Variants in GSE1 observed in about 807,000 individuals in gnomAD.
GSE1 encodes the protein genetic suppressor element 1.
GSE1 carries 32 observed loss-of-function variants against 112.6 expected under a neutral mutation model. The observed-to-expected ratio is 0.28, with a 90% CI of 0.21 to 0.38. The LOEUF is 0.38. Ranked by LOEUF, GSE1 falls within the 10% of genes least tolerant of loss-of-function variation. GSE1 has a pLI of 1.00. For synonymous variants in GSE1, 1,115 were observed against 735.6 expected, an observed-to-expected ratio of 1.52 and a Z score of -8.35; for missense variants, 2,348 against 1,699.2, an observed-to-expected ratio of 1.38 and a Z score of -6.71.
At chr16:85,493,785 C>T (rs1310744560) in intron 2 of GSE1, among the ~76,000 whole-genome samples, 2 of 122,532 alleles carry the variant, frequency 1.6e-5, no homozygotes, top group Non-Finnish European at 3.3e-5. Context: ...AGTGAGACTC[C>T]GTCTCAAAAA....
chr16:85,528,638 T>TTTTTGTTTTGTTTTGTTTTGTTTTG (rs71151301), intron 2 of GSE1, among the ~76,000 whole-genome samples: 1 of 145,082 alleles, frequency 6.9e-6, no homozygotes, highest in Admixed American at 6.9e-5. Context: ...GGATTGCTGT[T>TTTTTGTTTTGTTTTGTTTTGTTTTG]TTTTGTTTTG....
chr16:85,227,262 T>C (rs2143805165), intron 1 of GSE1, among the ~76,000 whole-genome samples: 1 of 152,324 alleles, frequency 6.6e-6, no homozygotes, highest in South Asian at 2.1e-4. Flanking sequence ...CTGTTCTTCA[T>C]GCATGAATGG....
intron 2 of GSE1, among the ~76,000 whole-genome samples, chr16:85,415,483 G>T (rs923379320): frequency 2.0e-5 from 3 of 152,226 alleles, no homozygotes; most frequent in Non-Finnish European, 4.4e-5. Context: ...TGCAGAGCTG[G>T]CAAACCGGGT....
rs865830245 is a variant in GSE1 at position 85,439,203 on chromosome 16, A to T, written c.2464+81560A>T. 1.2e-4 allele frequency among the ~76,000 whole-genome samples: 18 copies of T among 152,344 alleles called. No individual in the cohort carries two copies. In the Middle Eastern group the frequency reaches 0.014, roughly 115 times the overall value. On this transcript the variant is annotated intron_variant, in intron 2 of 2. Coordinates refer to the GSE1 transcript ENST00000637419. The stretch of plus-strand genomic sequence containing the variant: ...CCGGCACTGACCTGGATGGTGATTT[A>T]TGTGGCTGAGGCAAAAAGCCACTGA...
At chr16:85,628,775 T>A (rs1207565863) in intron 1 of GSE1, among the ~76,000 whole-genome samples, 2 of 152,212 alleles carry the variant, frequency 1.3e-5, no homozygotes, top group African/African-American at 4.8e-5. Context: ...GTGAAAGACA[T>A]AGCTCTTCTC....
At chr16:85,377,482 C>T (rs922184528) in intron 2 of GSE1, among the ~76,000 whole-genome samples, 2 of 152,222 alleles carry the variant, frequency 1.3e-5, no homozygotes, top group Non-Finnish European at 2.9e-5. Context: ...AAGTTACCTA[C>T]CCTCTCTGTG....
chr16:85,175,231 A>C (rs761847080), intron 1 of GSE1, among the ~76,000 whole-genome samples: 2 of 152,148 alleles, frequency 1.3e-5, no homozygotes, highest in Non-Finnish European at 2.9e-5. Flanking sequence ...GTCCCCAGAG[A>C]GCACCATGCT....
intron 2 of GSE1, among the ~76,000 whole-genome samples, chr16:85,431,625 A>G (rs566403264): frequency 6.6e-6 from 1 of 152,170 alleles, no homozygotes; most frequent in African/African-American, 2.4e-5. Context: ...TCCCCGAGAC[A>G]CTTGGCCATG....
Position 85,297,835 on chromosome 16 carries a change from C to T in GSE1, c.2284-59628C>T, listed in dbSNP as rs535095446. Among the ~76,000 whole-genome samples, 4 of 152,238 alleles carry T rather than the reference C, an allele frequency of 2.6e-5. No individual in the cohort carries two copies. The South Asian group carries it at 6.2e-4, about 24-fold the overall frequency. ...CCTTATCTTTTGAGTTTTATATTTC[C>T]TTGTCTCCCTCTGTTGCTGGGATAT... On this transcript the variant is annotated intron_variant, in intron 1 of 2. Coordinates refer to the GSE1 transcript ENST00000637419.
intron 1 of GSE1, among the ~76,000 whole-genome samples, chr16:85,178,489 C>A (rs946165331): frequency 6.6e-6 from 1 of 152,092 alleles, no homozygotes; most frequent in African/African-American, 2.4e-5. Flanking sequence ...GCCCTGCCCC[C>A]AGGCCTGTTA....
intron 1 of GSE1, among the ~76,000 whole-genome samples, chr16:85,216,390 C>A (rs2075306860): frequency 6.6e-6 from 1 of 152,184 alleles, no homozygotes; most frequent in Middle Eastern, 3.2e-3. Context: ...CAGAGCAAGA[C>A]CCTGTCTCTA....
At chr16:85,393,362 C>T (rs572857726) in intron 2 of GSE1, among the ~76,000 whole-genome samples, 5 of 152,314 alleles carry the variant, frequency 3.3e-5, no homozygotes, top group African/African-American at 9.6e-5. Context: ...GGGGCCACAC[C>T]CTCTCAGGGC....
At chr16:85,317,324 C>A (rs547850302) in intron 1 of GSE1, among the ~76,000 whole-genome samples, 1 of 152,252 alleles carries the variant, frequency 6.6e-6, no homozygotes, top group African/African-American at 2.4e-5. Flanking sequence ...TGTAGAACGT[C>A]GATAGCCCTC....
In GSE1 at chr16:85,563,434, T is replaced by C. The variant is rs541123961; in HGVS notation, c.37+7071T>C. On this transcript the variant is annotated intron_variant, in intron 1 of 2. Transcript: ENST00000635906. ...CATGCCAGGCCCTCCGCAGCTGGGG[T>C]TGGCGCTGGTCGTTACCCTCAGCCC... is the stretch of plus-strand genomic sequence containing the variant. 5.9e-5 allele frequency among the ~76,000 whole-genome samples: 9 copies of C among 152,268 alleles called. No individual in the cohort carries two copies. The South Asian group carries it at 1.9e-3, about 32-fold the overall frequency.
At chr16:85,532,994 C>T (rs977089795) in intron 2 of GSE1, among the ~76,000 whole-genome samples, 1 of 152,246 alleles carries the variant, frequency 6.6e-6, no homozygotes, top group Non-Finnish European at 1.5e-5. Context: ...CTCCCTACCT[C>T]CTGTTCTGCC....
intron 1 of GSE1, among the ~76,000 whole-genome samples, chr16:85,275,759 G>T (rs1352911471): frequency 6.6e-6 from 1 of 152,210 alleles, no homozygotes; most frequent in East Asian, 1.9e-4. Context: ...CCAAGCGAAG[G>T]GATGAACCGG....
At chr16:85,343,049 T>C (rs1282067954) in intron 1 of GSE1, among the ~76,000 whole-genome samples, 1 of 151,974 alleles carries the variant, frequency 6.6e-6, no homozygotes, top group Non-Finnish European at 1.5e-5. Context: ...GCAGCTGAGC[T>C]GCTGGATGTG....
chr16:85,295,768 C>CTT (rs71151276), intron 1 of GSE1, among the ~76,000 whole-genome samples: 1 of 133,090 alleles, frequency 7.5e-6, no homozygotes. Context: ...TAATTCGTAA[C>CTT]TTTTTTTTTT....
intron 2 of GSE1, among the ~76,000 whole-genome samples, chr16:85,479,729 G>T (rs987393812): frequency 6.6e-6 from 1 of 152,226 alleles, no homozygotes; most frequent in African/African-American, 2.4e-5. Context: ...GCGAGGGGCT[G>T]GCTGGGGACG....
Sources: allele counts gnomAD v4.1 joint callset (sites outside exome capture counted in the v4.1 genomes callset), GRCh38; gene constraint gnomAD v4.1.1; transcripts MANE v1.5; gene names NCBI Gene and HGNC (gene_info 2026-07-23, HGNC 2026-07-21).